JAK1: variants seen among roughly 807,000 people sequenced by gnomAD.
JAK1 encodes tyrosine-protein kinase JAK1.
In JAK1, 16 loss-of-function variants were observed where a neutral mutation model predicts 136.6. That is an observed-to-expected ratio of 0.12 (90% CI 0.08 to 0.18). The LOEUF is 0.18. Ranked by LOEUF, JAK1 falls within the 10% of genes least tolerant of loss-of-function variation. The pLI is 1.00. For synonymous variants in JAK1, 492 were observed against 519.5 expected, an observed-to-expected ratio of 0.95 and a Z score of 0.72; for missense variants, 859 against 1,450.1, an observed-to-expected ratio of 0.59 and a Z score of 6.62.
chr1:65,058,972 A>G (rs1275736540), intron 1 of JAK1, among the ~76,000 whole-genome samples: 1 of 152,242 alleles, frequency 6.6e-6, no homozygotes, highest in Non-Finnish European at 1.5e-5. Flanking sequence ...CAAAGTGCTC[A>G]TAACCAAACA....
In JAK1 at chr1:64,833,568, G is replaced by A. The variant is rs188954483; in HGVS notation, c.*994C>T. Reference sequence around the variant, plus strand: ...CCTGAAGTCCATAGTGCCTCTAGCCGGGTCTTTCAAGTGTTGCACCACAGG... The same window carrying A: ...CCTGAAGTCCATAGTGCCTCTAGCCAGGTCTTTCAAGTGTTGCACCACAGG... On this transcript the variant is annotated 3_prime_UTR_variant, in exon 25 of 25. Coordinates refer to ENST00000342505, the MANE Select transcript of JAK1 (RefSeq NM_002227.4). 3.9e-4 allele frequency: 91 copies of A among 232,860 alleles called. No individual in the cohort carries two copies. Among genetic ancestry groups the A allele is most frequent in the East Asian group, 2.3e-3 (38 of 16,574 alleles). The allele number at this position is 232,860 out of a possible 1,614,324, so 14.4% of individuals were successfully genotyped here.
At chr1:64,885,919 A>G (rs912013837) in intron 2 of JAK1, among the ~76,000 whole-genome samples, 1 of 152,230 alleles carries the variant, frequency 6.6e-6, no homozygotes, top group South Asian at 2.1e-4. Flanking sequence ...AAATGAAAAA[A>G]GCATAATATG....
At chr1:64,941,149 A>G (rs1645883576) in intron 1 of JAK1, among the ~76,000 whole-genome samples, 1 of 152,190 alleles carries the variant, frequency 6.6e-6, no homozygotes, top group Non-Finnish European at 1.5e-5. Flanking sequence ...TGGGCTATGG[A>G]CTCCAACTCA....
At chr1:64,925,277 G>A (rs931156790) in intron 1 of JAK1, among the ~76,000 whole-genome samples, 3 of 151,316 alleles carry the variant, frequency 2.0e-5, no homozygotes, top group African/African-American at 7.3e-5. Context: ...GTGTGGTGGC[G>A]CACACCTGTA....
intron 1 of JAK1, among the ~76,000 whole-genome samples, chr1:64,917,767 G>C (rs1172164219): frequency 6.6e-6 from 1 of 152,136 alleles, no homozygotes; most frequent in Non-Finnish European, 1.5e-5. Flanking sequence ...AGCCAGGGTG[G>C]AGCAGCACAT....
chr1:64,898,182 GT>G (rs1274384496), intron 1 of JAK1, among the ~76,000 whole-genome samples: 1 of 152,190 alleles, frequency 6.6e-6, no homozygotes, highest in Non-Finnish European at 1.5e-5. Context: ...TGTCTTCCTG[GT>G]TGTCGCGTCT....
intron 5 of JAK1, among the ~76,000 whole-genome samples, chr1:64,869,891 G>A (rs1235534908): frequency 6.6e-6 from 1 of 152,138 alleles, no homozygotes; most frequent in African/African-American, 2.4e-5. Flanking sequence ...AGAGTTGATG[G>A]GGCTCTCCCT....
chr1:64,959,320 G>T (rs1646243661), intron 1 of JAK1, among the ~76,000 whole-genome samples: 1 of 152,050 alleles, frequency 6.6e-6, no homozygotes, highest in Non-Finnish European at 1.5e-5. Flanking sequence ...TTACATTTTG[G>T]GTAAATCTTG....
chr1:64,990,919 C>CAAAAAAAAAAAAAAAAAAAAAA (rs1173485942), intron 2 of JAK1: 2 of 44,166 alleles, frequency 4.5e-5, no homozygotes, highest in East Asian at 4.0e-4. Context: ...GACTCCGTCT[C>CAAAAAAAAAAAAAAAAAAAAAA]AAAAAAAAAA....
At chr1:64,887,042 C>T (rs1040314704) in intron 1 of JAK1, among the ~76,000 whole-genome samples, 3 of 152,264 alleles carry the variant, frequency 2.0e-5, no homozygotes, top group South Asian at 4.1e-4. Context: ...GATGGGTTAC[C>T]TCTGAGGCCA....
chr1:65,047,171 C>T (rs1386002843), intron 1 of JAK1, among the ~76,000 whole-genome samples: 1 of 151,940 alleles, frequency 6.6e-6, no homozygotes, highest in Non-Finnish European at 1.5e-5. Context: ...CTGGGTAAAA[C>T]CCTGTCTCCA....
intron 2 of JAK1, among the ~76,000 whole-genome samples, chr1:65,037,571 G>A (rs145022740): frequency 3.4e-4 from 52 of 152,250 alleles, no homozygotes; most frequent in African/African-American, 1.2e-3. Context: ...CATTTCTTCA[G>A]ACTGTACATT....
chr1:64,965,340 G>A (rs1025592068), intron 1 of JAK1, among the ~76,000 whole-genome samples: 4 of 152,150 alleles, frequency 2.6e-5, no homozygotes, highest in African/African-American at 9.7e-5. Context: ...TCACAGCCAC[G>A]TAGTAAGAAG....
chr1:65,054,543 T>G (rs1326767281), intron 1 of JAK1, among the ~76,000 whole-genome samples: 1 of 152,126 alleles, frequency 6.6e-6, no homozygotes, highest in African/African-American at 2.4e-5. Context: ...TCCCTTCTTA[T>G]GAGTTCTTCC....
At chr1:64,959,131 G>T (rs1310723134) in intron 1 of JAK1, among the ~76,000 whole-genome samples, 2 of 152,196 alleles carry the variant, frequency 1.3e-5, no homozygotes, top group East Asian at 3.8e-4. Context: ...AAGCATATGG[G>T]ATGAGAATGA....
At chr1:65,034,105 G>T (rs140361225) in intron 2 of JAK1, among the ~76,000 whole-genome samples, 1 of 152,198 alleles carries the variant, frequency 6.6e-6, no homozygotes, top group Non-Finnish European at 1.5e-5. Context: ...AAAGGGGAAA[G>T]GTATTCCACA....
At chr1:65,029,603 A>G (rs118144250) in intron 2 of JAK1, among the ~76,000 whole-genome samples, 1 of 152,238 alleles carries the variant, frequency 6.6e-6, no homozygotes, top group Non-Finnish European at 1.5e-5. Flanking sequence ...AATATGGTAC[A>G]TACACCATGG....
At chr1:64,912,275 A>G (rs1340911393) in intron 1 of JAK1, among the ~76,000 whole-genome samples, 1 of 152,182 alleles carries the variant, frequency 6.6e-6, no homozygotes, top group Non-Finnish European at 1.5e-5. Context: ...CAAGATTTCC[A>G]AGGTAGACAC....
chr1:64,900,724 T>C (rs1325224026), intron 1 of JAK1, among the ~76,000 whole-genome samples: 2 of 152,242 alleles, frequency 1.3e-5, no homozygotes, highest in Non-Finnish European at 2.9e-5. Flanking sequence ...GTCTTATTTC[T>C]AGACTGCTAA....
Sources: gnomAD v4.1 joint callset for allele counts (sites outside exome capture counted in the v4.1 genomes callset) on GRCh38, gnomAD v4.1.1 for gene constraint, MANE v1.5 for transcripts, NCBI Gene and HGNC (gene_info 2026-07-23, HGNC 2026-07-21) for gene names.